LSAMP: variants seen among roughly 807,000 people sequenced by gnomAD.
The protein encoded by LSAMP is limbic system associated membrane protein.
LSAMP carries 7 observed loss-of-function variants against 38.6 expected under a neutral mutation model. The observed-to-expected ratio is 0.18, with a 90% CI of 0.10 to 0.34. The LOEUF is 0.34. LSAMP is among the 10% of genes least tolerant of loss of function. The pLI is 1.00. For synonymous variants in LSAMP, 154 were observed against 166.8 expected (o/e 0.92, Z 0.59); for missense variants, 313 against 420.0 (o/e 0.75, Z 2.23).
intron 1 of LSAMP, among the ~76,000 whole-genome samples, chr3:116,202,128 C>A (rs1325069313): frequency 1.2e-4 from 18 of 150,084 alleles, no homozygotes; most frequent in Admixed American, 1.1e-3. Context: ...TTTTTCTTTT[C>A]CTTTCCTTTC....
chr3:116,106,418 G>A (rs540352708), intron 1 of LSAMP, among the ~76,000 whole-genome samples: 2 of 152,262 alleles, frequency 1.3e-5, no homozygotes, highest in South Asian at 4.2e-4. Flanking sequence ...TGAGACTGGG[G>A]CCTAATAAAA....
chr3:115,849,476 G>T (rs1304776387), intron 4 of LSAMP, among the ~76,000 whole-genome samples: 2 of 129,278 alleles, frequency 1.5e-5, no homozygotes, highest in African/African-American at 6.4e-5. Context: ...ATAGCCCTGA[G>T]ATTTTTTTTT....
intron 1 of LSAMP, among the ~76,000 whole-genome samples, chr3:116,098,265 G>A (rs1274422354): frequency 4.6e-5 from 7 of 151,948 alleles, no homozygotes; most frequent in South Asian, 2.1e-4. Flanking sequence ...TTGGGAGGCC[G>A]AGGCAGGAGG....
chr3:115,968,828 G>C (rs889734891), intron 3 of LSAMP, among the ~76,000 whole-genome samples: 1 of 152,176 alleles, frequency 6.6e-6, no homozygotes, highest in Admixed American at 6.5e-5. Flanking sequence ...GGACCTCAGA[G>C]TGCCTTGGTC....
intron 1 of LSAMP, among the ~76,000 whole-genome samples, chr3:116,440,823 C>A (rs2049423453): frequency 6.6e-6 from 1 of 152,190 alleles, no homozygotes. Flanking sequence ...AAGAAAATTT[C>A]ATGATGGTCA....
chr3:116,008,493 A>C (rs1940230524), intron 3 of LSAMP, among the ~76,000 whole-genome samples: 1 of 152,192 alleles, frequency 6.6e-6, no homozygotes, highest in African/African-American at 2.4e-5. Context: ...TTTGCAGATA[A>C]AGCTATTATA....
rs180990302 is a variant in LSAMP, at chr3:116,050,154, T to C, written c.389-30514A>G. ...AGTGATATCTGGGCATTTATTTCCC[T>C]GACTCCCACAACACAGCATCTCCAT... On this transcript the variant is annotated intron_variant, in intron 2 of 6. Transcript: ENST00000490035. Among the ~76,000 whole-genome samples, 407 of 152,276 alleles carry C rather than the reference T, an allele frequency of 2.7e-3. 4 individuals carry two copies. Among genetic ancestry groups the C allele is most frequent in the African/African-American group, 9.3e-3 (388 of 41,556 alleles).
rs71616351 is a variant in LSAMP at position 116,385,920 on chromosome 3, T to TTACTACTACTAC, written c.155+58945_155+58956dup. ...CAAGGAATAGTTATTATTATTGACA[T>TTACTACTACTAC]TACTACTACTACTACTACTACTACT... is the stretch of plus-strand genomic sequence containing the variant. On this transcript the variant is annotated intron_variant, in intron 1 of 6. Coordinates refer to ENST00000490035, the MANE Select transcript of LSAMP (RefSeq NM_002338.5). 6.2e-3 allele frequency among the ~76,000 whole-genome samples: 940 copies of TTACTACTACTAC among 151,008 alleles called. 9 individuals carry two copies. The highest frequency in any genetic ancestry group is 0.022 in the African/African-American group (896 of 41,052).
intron 1 of LSAMP, among the ~76,000 whole-genome samples, chr3:116,314,998 C>T (rs2047609042): frequency 1.3e-5 from 2 of 152,046 alleles, no homozygotes; most frequent in South Asian, 4.2e-4. Flanking sequence ...ACAGAATGTC[C>T]CTTCAGTTTG....
rs1344599752 is a variant in LSAMP, at chr3:116,078,770, C to T, written c.388+7554G>A. Among the ~76,000 whole-genome samples the T allele has an allele frequency of 3.3e-5, 5 of 152,156 alleles. No individual in the cohort carries two copies. In the East Asian group the frequency reaches 5.8e-4, roughly 18 times the overall value. On this transcript the variant is annotated intron_variant, in intron 2 of 6. Transcript: ENST00000490035. ...GCTTCCGTGTACTTTTGGCATGACT[C>T]GTCATTTTTTTGAGTACATTCTTAC...
At chr3:116,209,948 G>A (rs2107605032) in intron 1 of LSAMP, among the ~76,000 whole-genome samples, 1 of 152,098 alleles carries the variant, frequency 6.6e-6, no homozygotes, top group South Asian at 2.1e-4. Context: ...TAGAGACGGA[G>A]TTTCACCATG....
intron 1 of LSAMP, among the ~76,000 whole-genome samples, chr3:116,188,564 C>T (rs1033690637): frequency 6.6e-6 from 1 of 152,098 alleles, no homozygotes; most frequent in African/African-American, 2.4e-5. Context: ...GGGTAAAATG[C>T]AGTCTGTTTA....
At chr3:116,009,763 G>A (rs1284758103) in intron 3 of LSAMP, among the ~76,000 whole-genome samples, 10 of 152,102 alleles carry the variant, frequency 6.6e-5, no homozygotes, top group African/African-American at 1.9e-4. Flanking sequence ...AACTGTCAGA[G>A]TGGGACTGAA....
intron 3 of LSAMP, among the ~76,000 whole-genome samples, chr3:115,900,512 C>CA (rs5851983): frequency 0.031 from 2,310 of 73,340 alleles, 28 homozygotes; most frequent in East Asian, 0.06. Context: ...TGAGACTGTC[C>CA]AAAAAAAAAA....
intron 1 of LSAMP, among the ~76,000 whole-genome samples, chr3:116,375,531 T>A (rs76299303): frequency 6.6e-6 from 1 of 151,952 alleles, no homozygotes; most frequent in Non-Finnish European, 1.5e-5. Context: ...GGATTTTTTT[T>A]ATATGCTTGA....
At chr3:115,945,914 T>C (rs1938082429) in intron 3 of LSAMP, among the ~76,000 whole-genome samples, 1 of 152,202 alleles carries the variant, frequency 6.6e-6, no homozygotes, top group Non-Finnish European at 1.5e-5. Context: ...GCAAAGCTAG[T>C]GTACTTTTCA....
At chr3:115,961,011 AG>A (rs1938608666) in intron 3 of LSAMP, among the ~76,000 whole-genome samples, 1 of 152,190 alleles carries the variant, frequency 6.6e-6, no homozygotes, top group African/African-American at 2.4e-5. Flanking sequence ...GCTCTGTGCA[AG>A]CCACATTAAA....
chr3:116,132,551 T>C (rs1709158363), intron 1 of LSAMP, among the ~76,000 whole-genome samples: 2 of 152,208 alleles, frequency 1.3e-5, no homozygotes, highest in African/African-American at 4.8e-5. Flanking sequence ...ACATAACATG[T>C]TTCTCGTGAA....
chr3:115,817,378 A>G, intron 6 of LSAMP, among the ~76,000 whole-genome samples: 1 of 152,210 alleles, frequency 6.6e-6, no homozygotes, highest in Non-Finnish European at 1.5e-5. Context: ...GGGCAGCAAC[A>G]GTGTGTGCCT....
Sources: gnomAD v4.1 joint callset for allele counts (sites outside exome capture counted in the v4.1 genomes callset) on GRCh38, gnomAD v4.1.1 for gene constraint, MANE v1.5 for transcripts, NCBI Gene and HGNC (gene_info 2026-07-23, HGNC 2026-07-21) for gene names.